ZBTB8B: variants seen among roughly 807,000 people sequenced by gnomAD.
The protein encoded by ZBTB8B is zinc finger and BTB domain containing 8B, also known as zinc finger and BTB domain-containing protein 8B.
ZBTB8B carries 17 observed loss-of-function variants against 30.3 expected under a neutral mutation model. That is an observed-to-expected ratio of 0.56 (90% CI 0.38 to 0.84). ZBTB8B has a LOEUF of 0.84. Among genes scored for constraint, ZBTB8B ranks in the 40% least tolerant of loss-of-function variants. The probability of loss-of-function intolerance (pLI) is 0.00; values close to 1 mark genes in which losing one functional copy is unlikely to be tolerated. For synonymous variants in ZBTB8B, 248 were observed against 255.6 expected, an observed-to-expected ratio of 0.97 and a Z score of 0.28; for missense variants, 515 against 644.9, an observed-to-expected ratio of 0.80 and a Z score of 2.18.
chr1:32,485,166 C>T lies in ZBTB8B; in HGVS notation c.1236C>T (p.Ser412=). The T allele has an allele frequency of 1.3e-6, 2 of 1,551,996 alleles. No homozygotes were observed. Among genetic ancestry groups the T allele is most frequent in the Non-Finnish European group, 1.7e-6 (2 of 1,147,066 alleles). The change falls in exon 4 of 4, where the codon TCC becomes TCT. Residue 412 remains serine (S), a synonymous_variant. Transcript: ENST00000609129. ...GCRRTFTSHL[S]QGLRRFGLCD... Reference sequence around the variant, plus strand: ...GGAGAACATTCACGAGTCACCTGTCCCAGGGGCTGCGGCGCTTCGGGCTGT... The same window carrying T: ...GGAGAACATTCACGAGTCACCTGTCTCAGGGGCTGCGGCGCTTCGGGCTGT...
chr1:32,471,098 T>C lies in ZBTB8B; in HGVS notation c.474T>C (p.Ser158=). The C allele has an allele frequency of 6.4e-7, 1 of 1,551,152 alleles. No individual in the cohort carries two copies. Among genetic ancestry groups the C allele is most frequent in the Non-Finnish European group, 8.7e-7 (1 of 1,146,854 alleles). ...CAGCGGCGGCTCATCAGGTTGACAG[T>C]GAAAGCCCCAGTTCAGGCCGGGAGG... ...AAAAAAHQVD[S]ESPSSGREGT... Residue 158 remains serine, a synonymous_variant, in exon 2 of 4, where the codon AGT becomes AGC. Transcript: ENST00000609129.
Position 32,484,457 on chromosome 1 carries a change from G to T in ZBTB8B, c.1171-644G>T, listed in dbSNP as rs1643729037. Among the ~76,000 whole-genome samples the T allele has an allele frequency of 6.6e-6, 1 of 152,180 alleles. No individual in the cohort carries two copies. The highest frequency in any genetic ancestry group is 1.5e-5 in the Non-Finnish European group (1 of 68,030). ...GACCTCCTTCCAAGGTGTTCATAAG[G>T]GGTGAAGGGTTGATGATGGGCAGAA... On this transcript the variant is annotated intron_variant, in intron 3 of 3. Transcript: ENST00000609129. The surrounding 1 kb of genome is among the most constrained non-coding windows in gnomAD (Gnocchi z 4.5).
chr1:32,467,737 C>T (rs1643582538), intron 1 of ZBTB8B, among the ~76,000 whole-genome samples: 1 of 152,012 alleles, frequency 6.6e-6, no homozygotes, highest in South Asian at 2.1e-4. Flanking sequence ...AGAGAAGGGC[C>T]AGGACATAAA....
intron 3 of ZBTB8B, 111 bp downstream of exon 3, chr1:32,481,180 A>C: frequency 9.3e-7 from 1 of 1,075,518 alleles, no homozygotes; most frequent in Non-Finnish European, 1.2e-6. Context: ...GGGTATTTTC[A>C]GATAATTTCC....
intron 2 of ZBTB8B, among the ~76,000 whole-genome samples, chr1:32,478,559 G>T (rs192303471): frequency 6.6e-6 from 1 of 152,256 alleles, no homozygotes; most frequent in Non-Finnish European, 1.5e-5. Flanking sequence ...ACTTGTATCA[G>T]TACCAGTGTG....
chr1:32,465,381 C>T lies in ZBTB8B; in HGVS notation c.-42+276C>T. 6.6e-6 allele frequency among the ~76,000 whole-genome samples: 1 copy of T among 152,242 alleles called. No individual in the cohort carries two copies. Among genetic ancestry groups the T allele is most frequent in the East Asian group, 1.9e-4 (1 of 5,190 alleles). ...CGGGGGTCGCGGCGCCGACTACTTC[C>T]ACGGTGAATGGTGCCCAGGCGTGGG... is the stretch of plus-strand genomic sequence containing the variant. On this transcript the variant is annotated intron_variant, in intron 1 of 3. Transcript: ENST00000609129. This position sits in a 1 kb window ranked among gnomAD's most constrained non-coding sequence, Gnocchi z 4.1.
At chr1:32,481,488 C>T (rs1305144695) in intron 3 of ZBTB8B, among the ~76,000 whole-genome samples, 1 of 152,030 alleles carries the variant, frequency 6.6e-6, no homozygotes, top group Non-Finnish European at 1.5e-5. Flanking sequence ...TATAGAGCTA[C>T]CTGTGGGCAG....
Position 32,471,100 on chromosome 1 carries a change from A to G in ZBTB8B, c.476A>G (p.Glu159Gly). 1 of 1,551,426 alleles carries G rather than the reference A, an allele frequency of 6.4e-7. No homozygotes were observed. Among genetic ancestry groups the G allele is most frequent in the Admixed American group, 2.0e-5 (1 of 51,010 alleles). The change falls in exon 2 of 4, where the codon GAA (glutamate) becomes GGA (glycine). Residue 159 changes from glutamate (E) to glycine (G), a missense_variant. Transcript: ENST00000609129. ...AAAAAHQVDSESPSSGREGTS... is the reference protein window; with the variant it reads ...AAAAAHQVDSGSPSSGREGTS... ...GCGGCGGCTCATCAGGTTGACAGTG[A>G]AAGCCCCAGTTCAGGCCGGGAGGGG...
intron 2 of ZBTB8B, among the ~76,000 whole-genome samples, chr1:32,479,795 T>C (rs967274257): frequency 1.3e-5 from 2 of 152,246 alleles, no homozygotes; most frequent in African/African-American, 4.8e-5. Context: ...GAACAGTTTC[T>C]ATACATGTGA....
Position 32,489,781 on chromosome 1 carries a change from A to G in ZBTB8B, c.*4363A>G, listed in dbSNP as rs917455876. 4 of 152,172 alleles carry G rather than the reference A, an allele frequency of 2.6e-5. No individual in the cohort carries two copies. The highest frequency in any genetic ancestry group is 5.9e-5 in the Non-Finnish European group (4 of 68,040). 9.4% of individuals were successfully genotyped at this position (152,172 alleles called of 1,614,324 possible). A position where few individuals can be genotyped will look rare whatever the true frequency, so the allele number is the denominator to read the frequency against. Reference sequence around the variant, plus strand: ...TTGGGGGATGAGGACCCCCTTCTCAAAAGTTGAGAAGGAATGTAAATAGGG... The same window carrying G: ...TTGGGGGATGAGGACCCCCTTCTCAGAAGTTGAGAAGGAATGTAAATAGGG... On this transcript the variant is annotated 3_prime_UTR_variant, in exon 4 of 4. Transcript: ENST00000609129.
chr1:32,474,407 G>C (rs1643647543), intron 2 of ZBTB8B, among the ~76,000 whole-genome samples: 1 of 137,026 alleles, frequency 7.3e-6, no homozygotes, highest in Non-Finnish European at 1.5e-5. Flanking sequence ...AGGCGTCATT[G>C]CATGTACCCA....
chr1:32,477,372 A>G (rs1289647954), intron 2 of ZBTB8B, among the ~76,000 whole-genome samples: 1 of 152,228 alleles, frequency 6.6e-6, no homozygotes, highest in African/African-American at 2.4e-5. Context: ...GAGATCAGGA[A>G]AGGGGAAGAA....
chr1:32,476,778 G>A (rs142289922), intron 2 of ZBTB8B, among the ~76,000 whole-genome samples: 2,201 of 146,112 alleles, frequency 0.015, 18 homozygotes, highest in Non-Finnish European at 0.023. Flanking sequence ...AACAGAGCGA[G>A]ACTCTGTCTC....
Position 32,488,676 on chromosome 1 carries a change from CT to C in ZBTB8B, c.*3259del, listed in dbSNP as rs1189943896. 1.3e-5 allele frequency: 2 copies of C among 152,172 alleles called. No individual in the cohort carries two copies. Among genetic ancestry groups the C allele is most frequent in the Non-Finnish European group, 2.9e-5 (2 of 68,034 alleles). The allele number at this position is 152,172 out of a possible 1,614,324, so 9.4% of individuals were successfully genotyped here. On this transcript the variant is annotated 3_prime_UTR_variant, in exon 4 of 4. Transcript: ENST00000609129. Reference sequence around the variant, plus strand: ...TCAGTAATACCAATGTTGAGAAACTCTGCTGTAAGATAAAGTAGGATTTTTT... The same window carrying C: ...TCAGTAATACCAATGTTGAGAAACTCGCTGTAAGATAAAGTAGGATTTTTT...
Position 32,465,483 on chromosome 1 carries a change from C to G in ZBTB8B, c.-42+378C>G, listed in dbSNP as rs1480713350. Among the ~76,000 whole-genome samples, 5 of 152,242 alleles carry G rather than the reference C, an allele frequency of 3.3e-5. No individual in the cohort carries two copies. The highest frequency in any genetic ancestry group is 1.2e-4 in the African/African-American group (5 of 41,470). ...GCGGGAGGCCATGGGAGGGGCTAGG[C>G]CTTGGGGTCCCACCCTCGGGGGCCG... On this transcript the variant is annotated intron_variant, in intron 1 of 3. Transcript: ENST00000609129. This position sits in a 1 kb window ranked among gnomAD's most constrained non-coding sequence, Gnocchi z 4.1.
intron 3 of ZBTB8B, among the ~76,000 whole-genome samples, chr1:32,482,906 G>C (rs1045942557): frequency 3.3e-5 from 5 of 151,952 alleles, no homozygotes; most frequent in African/African-American, 1.2e-4. Flanking sequence ...ATTACTCATA[G>C]GGTAAATGCA....
rs936897498 is a variant in ZBTB8B at position 32,470,866 on chromosome 1, A to C, written c.242A>C (p.Asp81Ala). The change falls in exon 2 of 4, where the codon GAT becomes GCT. Residue 81 changes from aspartate (D) to alanine (A), a missense_variant. Physicochemically the swap from Asp to Ala is moderately radical, Grantham distance 126 (BLOSUM62 -2). Coordinates refer to ENST00000609129, the MANE Select transcript of ZBTB8B (RefSeq NM_001145720.2). Reference protein sequence around the residue: ...VTSDAFSIILDFLYSGKLDLC... With the variant: ...VTSDAFSIILAFLYSGKLDLC... Reference sequence around the variant, plus strand: ...TCTGATGCCTTCTCCATCATCTTAGATTTCCTCTATTCTGGGAAGTTGGAT... The same window carrying C: ...TCTGATGCCTTCTCCATCATCTTAGCTTTCCTCTATTCTGGGAAGTTGGAT... 6.4e-7 allele frequency: 1 copy of C among 1,551,892 alleles called. No homozygotes were observed. Among genetic ancestry groups the C allele is most frequent in the Non-Finnish European group, 8.7e-7 (1 of 1,147,038 alleles).
rs1021845947 is a variant in ZBTB8B, at chr1:32,492,141, T to C, written c.*6723T>C. 1 of 152,176 alleles carries C rather than the reference T, an allele frequency of 6.6e-6. No homozygotes were observed. Among genetic ancestry groups the C allele is most frequent in the African/African-American group, 2.4e-5 (1 of 41,424 alleles). 9.4% of individuals were successfully genotyped at this position (152,176 alleles called of 1,614,324 possible). On this transcript the variant is annotated 3_prime_UTR_variant, in exon 4 of 4. Coordinates refer to ENST00000609129, the MANE Select transcript of ZBTB8B (RefSeq NM_001145720.2). ...CAAAATGATCCTAGCCAAAATATCA[T>C]GTATCCTTTGGTGTCACTCATAATA...
Position 32,485,358 on chromosome 1 carries a change from T to G in ZBTB8B, c.1428T>G (p.Asp476Glu). ...ESGEENDPAG[D>E]DSDDKPQIQP... ...GTGAGGAAAATGACCCTGCTGGAGA[T>G]GATTCTGATGACAAACCACAAATTC... The change falls in exon 4 of 4, where the codon GAT becomes GAG. Residue 476 changes from aspartate (D) to glutamate (E), a missense_variant. By Grantham distance (45) the Asp-to-Glu change is conservative. Coordinates refer to ENST00000609129, the MANE Select transcript of ZBTB8B (RefSeq NM_001145720.2). 6.4e-7 allele frequency: 1 copy of G among 1,552,212 alleles called. No individual in the cohort carries two copies. Among genetic ancestry groups the G allele is most frequent in the Non-Finnish European group, 8.7e-7 (1 of 1,147,106 alleles).
Sources: gnomAD v4.1 joint callset for allele counts (sites outside exome capture counted in the v4.1 genomes callset) on GRCh38, gnomAD v4.1.1 for gene constraint, Gnocchi (gnomAD v3.1) non-coding constraint, MANE v1.5 for transcripts, NCBI Gene and HGNC (gene_info 2026-07-23, HGNC 2026-07-21) for gene names.